ADGRL3: variants seen among roughly 807,000 people sequenced by gnomAD.
The protein encoded by ADGRL3 is calcium-independent alpha-latrotoxin receptor 3.
A neutral mutation model predicts 153.5 loss-of-function variants in ADGRL3; 62 were observed. That is an observed-to-expected ratio of 0.40 (90% CI 0.33 to 0.50). The LOEUF (loss-of-function observed/expected upper bound fraction) is 0.50, where lower values mean the gene tolerates loss of function less well. Among genes scored for constraint, ADGRL3 ranks in the 20% least tolerant of loss-of-function variants. The pLI is 0.47. For missense variants in ADGRL3, 1,641 were observed against 1,859.4 expected (o/e 0.88, Z 2.16); for synonymous variants, 710 against 672.5 (o/e 1.06, Z -0.86).
At chr4:62,057,363 T>G (rs1461163333) in intron 25 of ADGRL3, among the ~76,000 whole-genome samples, 1 of 152,118 alleles carries the variant, frequency 6.6e-6, no homozygotes, top group Non-Finnish European at 1.5e-5. Flanking sequence ...AAACTATACA[T>G]TAGAGAAGGG....
At chr4:61,737,576 A>G (rs1423105581) in intron 8 of ADGRL3, among the ~76,000 whole-genome samples, 1 of 152,156 alleles carries the variant, frequency 6.6e-6, no homozygotes. Context: ...TGGAAAAAAT[A>G]ACTCCAACCT....
At chr4:61,741,838 C>T (rs2096584055) in intron 8 of ADGRL3, among the ~76,000 whole-genome samples, 1 of 152,220 alleles carries the variant, frequency 6.6e-6, no homozygotes, top group Non-Finnish European at 1.5e-5. Flanking sequence ...TTCACAAACG[C>T]TCTAACGTTA....
At chr4:61,289,055 G>T (rs890052207) in intron 1 of ADGRL3, among the ~76,000 whole-genome samples, 3 of 151,846 alleles carry the variant, frequency 2.0e-5, no homozygotes, top group Non-Finnish European at 4.4e-5. Context: ...ACGTACATAA[G>T]TTAACGCAAT....
intron 6 of ADGRL3, among the ~76,000 whole-genome samples, chr4:61,695,421 G>A (rs955781541): frequency 2.6e-5 from 4 of 152,136 alleles, no homozygotes; most frequent in African/African-American, 9.7e-5. Context: ...TATTTTGAAA[G>A]TAATCTCTTT....
intron 8 of ADGRL3, among the ~76,000 whole-genome samples, chr4:61,805,461 G>A (rs756166226): frequency 7.9e-5 from 12 of 152,044 alleles, no homozygotes; most frequent in Non-Finnish European, 1.8e-4. Flanking sequence ...TGACTTCCCT[G>A]GTTTATAGTT....
intron 5 of ADGRL3, among the ~76,000 whole-genome samples, chr4:61,595,791 G>A (rs2098986692): frequency 6.6e-6 from 1 of 152,092 alleles, no homozygotes; most frequent in African/African-American, 2.4e-5. Flanking sequence ...AGAGCACTTT[G>A]GCCCTCAGTG....
intron 23 of ADGRL3, among the ~76,000 whole-genome samples, chr4:62,035,305 A>C (rs1213145176): frequency 6.6e-6 from 1 of 152,042 alleles, no homozygotes; most frequent in East Asian, 1.9e-4. Flanking sequence ...CCCACGATGA[A>C]TTATTGTGGC....
chr4:61,712,245 T>C (rs903694128), intron 6 of ADGRL3, among the ~76,000 whole-genome samples: 1 of 151,862 alleles, frequency 6.6e-6, no homozygotes, highest in African/African-American at 2.4e-5. Flanking sequence ...AATAAAAAAT[T>C]AGCCAGGCAC....
chr4:61,500,001 C>G (rs962707331), intron 3 of ADGRL3, among the ~76,000 whole-genome samples: 1 of 139,412 alleles, frequency 7.2e-6, no homozygotes, highest in African/African-American at 2.7e-5. Flanking sequence ...CACACACACA[C>G]ACACACACAC....
intron 8 of ADGRL3, among the ~76,000 whole-genome samples, chr4:61,746,078 C>A (rs1001389571): frequency 5.9e-5 from 9 of 152,058 alleles, no homozygotes; most frequent in African/African-American, 2.2e-4. Context: ...ATAAAACAGA[C>A]TTTAAACCAA....
chr4:61,382,028 G>T (rs1324422560), intron 1 of ADGRL3, among the ~76,000 whole-genome samples: 2 of 151,776 alleles, frequency 1.3e-5, no homozygotes, highest in African/African-American at 4.8e-5. Flanking sequence ...TCACTAATTT[G>T]TTTTCATTTT....
intron 21 of ADGRL3, among the ~76,000 whole-genome samples, chr4:62,009,161 A>C (rs1283118453): frequency 6.6e-6 from 1 of 152,184 alleles, no homozygotes; most frequent in East Asian, 1.9e-4. Flanking sequence ...TGCTTTCTAG[A>C]AAAGGCAACT....
chr4:61,655,289 T>C (rs1199805859), intron 5 of ADGRL3, among the ~76,000 whole-genome samples: 4 of 152,180 alleles, frequency 2.6e-5, no homozygotes, highest in African/African-American at 7.2e-5. Context: ...CAAGTTTGCC[T>C]AATTTCTAAG....
In ADGRL3 at chr4:61,760,368, TC is replaced by T. The variant is rs556018086; in HGVS notation, c.1399+26819del. ...AAGCCTCGGCAATGGCGGGCGCCCC[TC>T]CCCCAGTCTCGCTGCTGCCTTGCCG... On this transcript the variant is annotated intron_variant, in intron 8 of 26. Transcript: ENST00000683033. Among the ~76,000 whole-genome samples the T allele has an allele frequency of 9.3e-3, 1,418 of 151,896 alleles. 28 individuals carry two copies. Among genetic ancestry groups the T allele is most frequent in the African/African-American group, 0.032 (1,343 of 41,476 alleles).
intron 9 of ADGRL3, among the ~76,000 whole-genome samples, chr4:61,841,944 G>A (rs1280053979): frequency 6.6e-6 from 1 of 152,222 alleles, no homozygotes; most frequent in African/African-American, 2.4e-5. Flanking sequence ...GCTGTCCTTA[G>A]TAAGAGCCAG....
chr4:62,036,283 G>A (rs7686098), intron 23 of ADGRL3, among the ~76,000 whole-genome samples: 133,268 of 151,848 alleles, frequency 0.88, 59,408 homozygotes, highest in Non-Finnish European at 0.95. Flanking sequence ...CTTTTCCCCT[G>A]TCCTTTATTT....
intron 2 of ADGRL3, among the ~76,000 whole-genome samples, chr4:61,469,196 G>A (rs1025451323): frequency 6.6e-6 from 1 of 152,042 alleles, no homozygotes; most frequent in African/African-American, 2.4e-5. Context: ...CAGCCTGCCT[G>A]GTGTGGATTG....
rs560249258 is a variant in ADGRL3, at chr4:61,854,507, A to G, written c.1481-38149A>G. ...AAATTAAATAATGTAATATTGGATT[A>G]TCTCCTAGAATATAAAAATAAAGTC... On this transcript the variant is annotated intron_variant, in intron 9 of 26. Coordinates refer to ENST00000683033, the MANE Select transcript of ADGRL3 (RefSeq NM_001387552.1). Among the ~76,000 whole-genome samples the G allele has an allele frequency of 1.2e-3, 187 of 152,348 alleles. 1 individual carries two copies. The highest frequency in any genetic ancestry group is 4.1e-3 in the African/African-American group (172 of 41,588).
At chr4:61,893,736 G>C (rs1333825490) in intron 10 of ADGRL3, among the ~76,000 whole-genome samples, 1 of 111,820 alleles carries the variant, frequency 8.9e-6, no homozygotes, top group Admixed American at 1.3e-4. Context: ...TTTTTGAGAC[G>C]GAGTCTCACT....
Sources: gnomAD v4.1 joint callset for allele counts (sites outside exome capture counted in the v4.1 genomes callset) on GRCh38, gnomAD v4.1.1 for gene constraint, MANE v1.5 for transcripts, NCBI Gene and HGNC (gene_info 2026-07-23, HGNC 2026-07-21) for gene names.